Variants in ERICH1 observed in about 807,000 individuals in gnomAD.
ERICH1 encodes glutamate rich 1, also known as glutamate-rich protein 1.
Under a neutral mutation model 39.6 loss-of-function variants are expected in ERICH1, and 56 were observed. The observed-to-expected ratio is 1.41, with a 90% CI of 1.14 to 1.77. The LOEUF (loss-of-function observed/expected upper bound fraction) is 1.77, where lower values mean the gene tolerates loss of function less well. Among genes scored for constraint, ERICH1 ranks in the 40% most tolerant of loss-of-function variants. The probability of loss-of-function intolerance (pLI) is 0.00; values close to 1 mark genes in which losing one functional copy is unlikely to be tolerated. For synonymous variants in ERICH1, 313 were observed against 223.6 expected, an observed-to-expected ratio of 1.40 and a Z score of -3.57; for missense variants, 826 against 575.4, an observed-to-expected ratio of 1.44 and a Z score of -4.45.
rs1352715591 is a variant in ERICH1, at chr8:708,699, T to C, written c.169+7162A>G. On this transcript the variant is annotated intron_variant, in intron 2 of 5. Transcript: ENST00000262109. ...ATAATGAGTTTTTTTTTTTTTTTTT[T>C]TTTTTTTTTTTTGAGACAGGGTCTC... Among the ~76,000 whole-genome samples, 11 of 135,906 alleles carry C rather than the reference T, an allele frequency of 8.1e-5. No homozygotes were observed. In the Admixed American group the frequency reaches 8.2e-4, roughly 10 times the overall value. 89.2% of individuals were successfully genotyped at this position (135,906 alleles called of 152,430 possible).
chr8:623,405 T>C (rs1797407258), intron 3 of ERICH1, among the ~76,000 whole-genome samples: 1 of 152,226 alleles, frequency 6.6e-6, no homozygotes, highest in Non-Finnish European at 1.5e-5. Context: ...CTGATGCTTA[T>C]GTTTATGGTC....
chr8:670,987 C>G (rs1803191924), intron 4 of ERICH1, among the ~76,000 whole-genome samples: 9 of 150,814 alleles, frequency 6.0e-5, no homozygotes, highest in Admixed American at 3.3e-4. Flanking sequence ...ACACCTGAGC[C>G]CACTGGTCCC....
At chr8:722,513 A>C (rs1439704106) in intron 1 of ERICH1, among the ~76,000 whole-genome samples, 1 of 152,242 alleles carries the variant, frequency 6.6e-6, no homozygotes, top group Non-Finnish European at 1.5e-5. Flanking sequence ...GAAATTACAC[A>C]CTTAGGAAAA....
chr8:689,689 AG>A (rs1354763267), intron 3 of ERICH1, among the ~76,000 whole-genome samples: 4 of 152,212 alleles, frequency 2.6e-5, no homozygotes, highest in Admixed American at 6.5e-5. Context: ...ACCGTGGCAT[AG>A]GGACACACTG....
chr8:634,183 A>AAC (rs1554481906), intron 3 of ERICH1, among the ~76,000 whole-genome samples: 27,528 of 135,878 alleles, frequency 0.2, 2,943 homozygotes, highest in Middle Eastern at 0.29. Flanking sequence ...AAAAAAAAAA[A>AAC]AAACAAACAA....
intron 1 of ERICH1, among the ~76,000 whole-genome samples, chr8:716,991 G>A (rs891337274): frequency 3.0e-4 from 46 of 152,192 alleles, no homozygotes; most frequent in Non-Finnish European, 5.9e-4. Context: ...CACTATGTGG[G>A]TTTCCACGCA....
At chr8:660,157 G>A (rs577373167), downstream of ERICH1, among the ~76,000 whole-genome samples, 59 of 142,716 alleles carry the variant, frequency 4.1e-4, no homozygotes, top group Non-Finnish European at 7.3e-4. Flanking sequence ...CTGAGCTCCC[G>A]AAGGCAGGGC....
chr8:674,596 G>A (rs1313466940), intron 3 of ERICH1, among the ~76,000 whole-genome samples: 2 of 152,140 alleles, frequency 1.3e-5, no homozygotes, highest in African/African-American at 4.8e-5. Context: ...GAGCCATTGC[G>A]CCTGGCCAGT....
At chr8:675,114 A>C (rs929341105) in intron 3 of ERICH1, among the ~76,000 whole-genome samples, 1 of 148,634 alleles carries the variant, frequency 6.7e-6, no homozygotes, top group Non-Finnish European at 1.5e-5. Flanking sequence ...GAGGACAGAG[A>C]CGTGGCGGCC....
intron 1 of ERICH1, among the ~76,000 whole-genome samples, chr8:726,743 T>G (rs1024478189): frequency 2.0e-5 from 3 of 149,754 alleles, no homozygotes; most frequent in Non-Finnish European, 4.4e-5. Flanking sequence ...CAGATATGCA[T>G]GTACACGCAC....
At chr8:706,033 G>A (rs77867585) in intron 2 of ERICH1, among the ~76,000 whole-genome samples, 4,762 of 152,290 alleles carry the variant, frequency 0.031, 86 homozygotes, top group African/African-American at 0.041. Context: ...ACTCACCATG[G>A]TGTTACAGTT....
rs118065686 is a variant in ERICH1, at chr8:727,897, G to C, written c.22+3243C>G. Among the ~76,000 whole-genome samples the C allele has an allele frequency of 4.6e-4, 70 of 152,320 alleles. 2 individuals carry two copies. The East Asian group carries it at 0.012, about 26-fold the overall frequency. Reference sequence around the variant, plus strand: ...CGAATGCAGGGGGCACTGTGGGGCAGGGACTCTGCTTAAATCCAGGGGCGC... The same window carrying C: ...CGAATGCAGGGGGCACTGTGGGGCACGGACTCTGCTTAAATCCAGGGGCGC... On this transcript the variant is annotated intron_variant, in intron 1 of 5. Transcript: ENST00000262109.
At chr8:688,704 G>A (rs184377284) in intron 3 of ERICH1, among the ~76,000 whole-genome samples, 4 of 152,310 alleles carry the variant, frequency 2.6e-5, no homozygotes, top group Admixed American at 2.0e-4. Flanking sequence ...GGGAAAGGTA[G>A]TAACTACCAC....
intron 3 of ERICH1, among the ~76,000 whole-genome samples, chr8:633,329 G>A (rs1334442500): frequency 6.6e-6 from 1 of 152,172 alleles, no homozygotes; most frequent in Non-Finnish European, 1.5e-5. Flanking sequence ...GTCCGTCAGG[G>A]GAAATGGATC....
chr8:726,062 T>C (rs1224544839), intron 1 of ERICH1, among the ~76,000 whole-genome samples: 1 of 152,208 alleles, frequency 6.6e-6, no homozygotes, highest in Non-Finnish European at 1.5e-5. Flanking sequence ...TGTCCAGTTC[T>C]GCACACAGTC....
intron 3 of ERICH1, among the ~76,000 whole-genome samples, chr8:627,503 G>A (rs1293121092): frequency 2.0e-5 from 3 of 152,188 alleles, no homozygotes; most frequent in East Asian, 1.9e-4. Flanking sequence ...ACATATGACC[G>A]CCATCATTTT....
At chr8:685,275 C>A (rs11137026) in intron 3 of ERICH1, among the ~76,000 whole-genome samples, 2 of 151,896 alleles carry the variant, frequency 1.3e-5, no homozygotes, top group Non-Finnish European at 2.9e-5. Flanking sequence ...AAGAGAAATA[C>A]GGCTGTGTCC....
At chr8:715,005 T>C (rs1337451682) in intron 2 of ERICH1, among the ~76,000 whole-genome samples, 1 of 152,098 alleles carries the variant, frequency 6.6e-6, no homozygotes, top group East Asian at 1.9e-4. Context: ...TTCTCGTGTC[T>C]CTTGGTGGGA....
intron 3 of ERICH1, among the ~76,000 whole-genome samples, chr8:629,459 T>G: frequency 6.9e-6 from 1 of 144,010 alleles, no homozygotes; most frequent in African/African-American, 2.6e-5. Flanking sequence ...ACTCACACGC[T>G]CCCGTGACCA....
Sources: gnomAD v4.1 joint callset for allele counts (sites outside exome capture counted in the v4.1 genomes callset) on GRCh38, gnomAD v4.1.1 for gene constraint, MANE v1.5 for transcripts, NCBI Gene and HGNC (gene_info 2026-07-23, HGNC 2026-07-21) for gene names.